The following EPS8L2 variants were observed in gnomAD, a reference collection of about 807,000 sequenced individuals.
EPS8L2 encodes the protein epidermal growth factor receptor kinase substrate 8-like protein 2.
A neutral mutation model predicts 99.4 loss-of-function variants in EPS8L2; 81 were observed. The observed-to-expected ratio is 0.82, with a 90% CI of 0.68 to 0.98. The LOEUF is 0.98. Among genes scored for constraint, EPS8L2 ranks in the 50% least tolerant of loss-of-function variants. The pLI is 0.00. For synonymous variants in EPS8L2, 509 were observed against 407.3 expected (o/e 1.25, Z -3.01); for missense variants, 1,155 against 968.8 (o/e 1.19, Z -2.55).
chr11:724,886 G>T lies in EPS8L2; in HGVS notation c.1560+57G>T, dbSNP rs1006824799. 5.3e-6 allele frequency: 7 copies of T among 1,315,732 alleles called. No individual in the cohort carries two copies. The East Asian group carries it at 6.9e-5, about 13-fold the overall frequency. 81.5% of individuals were successfully genotyped at this position (1,315,732 alleles called of 1,614,324 possible). A position where few individuals can be genotyped will look rare whatever the true frequency, so the allele number is the denominator to read the frequency against. On this transcript the variant is annotated intron_variant, in intron 16 of 20. Coordinates refer to ENST00000318562, the MANE Select transcript of EPS8L2 (RefSeq NM_022772.4). This position sits in a 1 kb window ranked among gnomAD's most constrained non-coding sequence, Gnocchi z 5.5. ...GGAAACAGGGCAGGGCTTCAAGGGA[G>T]GGGCTACCAGGGGAGGTGGGGAGCG... is the stretch of plus-strand genomic sequence containing the variant.
intron 4 of EPS8L2, among the ~76,000 whole-genome samples, chr11:714,422 G>A (rs1416458282): frequency 6.6e-6 from 1 of 151,228 alleles, no homozygotes; most frequent in Non-Finnish European, 1.5e-5. Context: ...TCAGAGATGG[G>A]GTTTCACCAT....
chr11:714,614 TTTTA>T (rs1861970371), intron 4 of EPS8L2, among the ~76,000 whole-genome samples: 2 of 149,030 alleles, frequency 1.3e-5, no homozygotes, highest in African/African-American at 2.4e-5. Flanking sequence ...TTTTATTTTA[TTTTA>T]TTTATTTTTT....
chr11:708,339 C>T (rs1454489947), intron 1 of EPS8L2, among the ~76,000 whole-genome samples: 2 of 152,212 alleles, frequency 1.3e-5, no homozygotes, highest in Non-Finnish European at 2.9e-5. Flanking sequence ...CCCTAGGGTC[C>T]AGCCCAAATC....
intron 4 of EPS8L2, among the ~76,000 whole-genome samples, chr11:719,375 G>A (rs570841832): frequency 6.6e-6 from 1 of 152,206 alleles, no homozygotes; most frequent in South Asian, 2.1e-4. Context: ...CCAACCCTTC[G>A]TGGGAGGGTT....
chr11:709,417 T>G lies in EPS8L2; in HGVS notation c.10T>G (p.Ser4Ala), dbSNP rs762542419. 5 of 1,590,040 alleles carry G rather than the reference T, an allele frequency of 3.1e-6. No individual in the cohort carries two copies. The South Asian group carries it at 5.7e-5, about 18-fold the overall frequency. Residue 4 changes from serine to alanine, a missense_variant, in exon 2 of 21, where the codon TCC becomes GCC. Ser to Ala is a moderately conservative substitution (Grantham distance 99, BLOSUM62 1). Transcript: ENST00000318562. ...CGCCACCCAAGACACCATGAGCCAG[T>G]CCGGGGCCGTGAGCTGCTGCCCGGG... MSQ[S>A]GAVSCCPGAT...
Position 723,322 on chromosome 11 carries a change from C to T in EPS8L2, c.1423C>T (p.Leu475=). 6.3e-7 allele frequency: 1 copy of T among 1,594,614 alleles called. No homozygotes were observed. The highest frequency in any genetic ancestry group is 8.5e-7 in the Non-Finnish European group (1 of 1,169,960). ...AGAGCCCACCCCCCCGGGGGATGCC[C>T]TACCACCAGTCAGCTCCCCACATAC... The part of the protein sequence containing the change: ...TSEPTPPGDA[L]PPVSSPHTHR... The change falls in exon 15 of 21, where the codon CTA becomes TTA. Residue 475 remains leucine (L), a synonymous_variant. Coordinates refer to ENST00000318562, the MANE Select transcript of EPS8L2 (RefSeq NM_022772.4).
chr11:720,966 G>A (rs1862145428), intron 7 of EPS8L2, 57 bp downstream of exon 7: 1 of 1,300,222 alleles, frequency 7.7e-7, no homozygotes, highest in African/African-American at 1.5e-5. Context: ...AGCCCGGCAG[G>A]GGAGGGGAGG....
rs1357210133 is a variant in EPS8L2, at chr11:726,350, A to T, written c.1800A>T (p.Lys600Asn). Residue 600 changes from lysine to asparagine, a missense_variant, in exon 19 of 21, where the codon AAA (lysine) becomes AAT (asparagine). By Grantham distance (94) the Lys-to-Asn change is moderately conservative. Transcript: ENST00000318562. ...MDEVNDELIR[K>N]ISNIRAQPQR... Reference sequence around the variant, plus strand: ...AGGTCAACGACGAGCTCATCCGGAAAATCAGCAACATCAGGGCGCAGCCAC... The same window carrying T: ...AGGTCAACGACGAGCTCATCCGGAATATCAGCAACATCAGGGCGCAGCCAC... The T allele has an allele frequency of 1.9e-6, 3 of 1,611,074 alleles. No individual in the cohort carries two copies. The Admixed American group carries it at 5.0e-5, about 27-fold the overall frequency.
At chr11:709,954 A>C (rs1297178378) in intron 3 of EPS8L2, 3 of 417,960 alleles carry the variant, frequency 7.2e-6, no homozygotes, top group African/African-American at 2.0e-5. Flanking sequence ...ACCTCCCCCC[A>C]CTCTGCCCTT....
At chr11:721,734 G>A in intron 10 of EPS8L2, 43 bp downstream of exon 10, 1 of 1,280,102 alleles carries the variant, frequency 7.8e-7, no homozygotes, top group Non-Finnish European at 1.1e-6. Context: ...AGGGGACGGG[G>A]CCAGCAGGTG....
At chr11:718,105 G>A (rs1312427338) in intron 4 of EPS8L2, among the ~76,000 whole-genome samples, 2 of 152,230 alleles carry the variant, frequency 1.3e-5, no homozygotes, top group Admixed American at 6.5e-5. Context: ...GGCTGAGGCG[G>A]GCAGATAACC....
chr11:726,696 G>A lies in EPS8L2; in HGVS notation c.2012G>A (p.Gly671Asp). Residue 671 changes from glycine to aspartate, a missense_variant, in exon 20 of 21, where the codon GGC (glycine) becomes GAC (aspartate). Coordinates refer to ENST00000318562, the MANE Select transcript of EPS8L2 (RefSeq NM_022772.4). ...AAGGAGGAGCTGAAGAAAGTGTGCG[G>A]CGAGGAGGGCGTCCGCGTGTACAGC... ...LNKEELKKVC[G>D]EEGVRVYSQL... 1 of 1,587,570 alleles carries A rather than the reference G, an allele frequency of 6.3e-7. No homozygotes were observed. The highest frequency in any genetic ancestry group is 8.6e-7 in the Non-Finnish European group (1 of 1,168,514).
intron 20 of EPS8L2, 45 bp downstream of exon 20, chr11:726,796 G>GC: frequency 6.3e-7 from 1 of 1,578,770 alleles, no homozygotes; most frequent in Non-Finnish European, 8.6e-7. Context: ...CTGCCCCTGC[G>GC]CCCTCCTCTC....
intron 17 of EPS8L2, 23 bp from the exon 18 acceptor site, chr11:726,075 C>T (rs1590057849): frequency 1.3e-6 from 2 of 1,491,470 alleles, no homozygotes; most frequent in Non-Finnish European, 9.2e-7. Flanking sequence ...CGTGGGGAGC[C>T]TAATCGCCCC....
In EPS8L2 at chr11:725,794, T is replaced by C. The variant is rs751605806; in HGVS notation, c.1627T>C (p.Cys543Arg). ...SRSGQAGYVP[C>R]NILGEARPED... ...CAGCGGCCAGGCGGGGTACGTGCCCTGCAACATCCTAGGCGAGGCGCGACC... is the reference window on the plus strand; with the variant it reads ...CAGCGGCCAGGCGGGGTACGTGCCCCGCAACATCCTAGGCGAGGCGCGACC... The change falls in exon 17 of 21, where the codon TGC (cysteine) becomes CGC (arginine). Residue 543 changes from cysteine (C) to arginine (R), a missense_variant. Physicochemically the swap from Cys to Arg is radical, Grantham distance 180 (BLOSUM62 -3). Coordinates refer to ENST00000318562, the MANE Select transcript of EPS8L2 (RefSeq NM_022772.4). 1 of 1,377,142 alleles carries C rather than the reference T, an allele frequency of 7.3e-7. No homozygotes were observed. The highest frequency in any genetic ancestry group is 9.4e-7 in the Non-Finnish European group (1 of 1,069,228). The allele number at this position is 1,377,142 out of a possible 1,614,324, so 85.3% of individuals were successfully genotyped here.
chr11:719,642 C>G (rs1261660250), intron 4 of EPS8L2, among the ~76,000 whole-genome samples: 2 of 152,224 alleles, frequency 1.3e-5, no homozygotes, highest in African/African-American at 2.4e-5. Context: ...ACGTGCAGCG[C>G]GACGTTGGGT....
rs1377093701 is a variant in EPS8L2, at chr11:727,193, A to T, written c.*212A>T. 2 of 446,248 alleles carry T rather than the reference A, an allele frequency of 4.5e-6. No homozygotes were observed. The highest frequency in any genetic ancestry group is 7.9e-6 in the Non-Finnish European group (2 of 252,418). 27.6% of individuals were successfully genotyped at this position (446,248 alleles called of 1,614,324 possible). ...CCACACCAAGACTAATCTCAGCCAA[A>T]CCTGCTGCTTGGTGGTGCCAGCCCC... On this transcript the variant is annotated 3_prime_UTR_variant, in exon 21 of 21. Transcript: ENST00000318562.
chr11:724,937 A>G lies in EPS8L2; in HGVS notation c.1560+108A>G. 1.3e-6 allele frequency: 1 copy of G among 787,178 alleles called. No homozygotes were observed. The highest frequency in any genetic ancestry group is 1.5e-5 in the South Asian group (1 of 66,698). The allele number at this position is 787,178 out of a possible 1,614,324, so 48.8% of individuals were successfully genotyped here. A position where few individuals can be genotyped will look rare whatever the true frequency, so the allele number is the denominator to read the frequency against. ...GTCTAGGGCCAGGCTGGGTGATGCCAGGACGGGGCACAGCTGCTGGCCCCT... is the reference window on the plus strand; with the variant it reads ...GTCTAGGGCCAGGCTGGGTGATGCCGGGACGGGGCACAGCTGCTGGCCCCT... On this transcript the variant is annotated intron_variant, in intron 16 of 20. Coordinates refer to ENST00000318562, the MANE Select transcript of EPS8L2 (RefSeq NM_022772.4). The surrounding 1 kb of genome is among the most constrained non-coding windows in gnomAD (Gnocchi z 5.5).
intron 3 of EPS8L2, 50 bp downstream of exon 3, chr11:709,658 CT>C (rs776953858): frequency 6.3e-7 from 1 of 1,592,186 alleles, no homozygotes; most frequent in Non-Finnish European, 8.6e-7. Context: ...GAAATGGGCA[CT>C]GCATCCAGGT....
Sources: gnomAD v4.1 joint callset for allele counts (sites outside exome capture counted in the v4.1 genomes callset) on GRCh38, gnomAD v4.1.1 for gene constraint, Gnocchi (gnomAD v3.1) non-coding constraint, MANE v1.5 for transcripts, NCBI Gene and HGNC (gene_info 2026-07-23, HGNC 2026-07-21) for gene names.